Variants in ESRRG observed in about 807,000 individuals in gnomAD.
ESRRG encodes the protein estrogen related receptor gamma, also known as estrogen-related receptor gamma.
ESRRG carries 13 observed loss-of-function variants against 44.0 expected under a neutral mutation model. The ratio of observed to expected loss-of-function variants is 0.30; its 90% CI spans 0.19 to 0.47. The LOEUF (loss-of-function observed/expected upper bound fraction) is 0.47. Ranked by LOEUF, ESRRG falls within the 20% of genes least tolerant of loss-of-function variation. The pLI is 1.00. For synonymous variants in ESRRG, 215 were observed against 214.6 expected (o/e 1.00, Z -0.02); for missense variants, 395 against 580.6 (o/e 0.68, Z 3.29).
intron 5 of ESRRG, among the ~76,000 whole-genome samples, chr1:216,527,121 G>A (rs2047902889): frequency 6.6e-6 from 1 of 152,052 alleles, no homozygotes; most frequent in South Asian, 2.1e-4. Flanking sequence ...CAGTAAAAGT[G>A]GATAAGACCA....
intron 1 of ESRRG, among the ~76,000 whole-genome samples, chr1:217,027,399 T>G (rs1317602604): frequency 6.6e-6 from 1 of 152,184 alleles, no homozygotes; most frequent in Non-Finnish European, 1.5e-5. Context: ...ACATGCATTC[T>G]TCAGCCCTTA....
chr1:217,127,900 CAT>C (rs1374446572), intron 1 of ESRRG, among the ~76,000 whole-genome samples: 3 of 152,144 alleles, frequency 2.0e-5, no homozygotes, highest in South Asian at 2.1e-4. Flanking sequence ...AACATTTTCA[CAT>C]ATGTTATTCC....
chr1:216,612,794 G>A (rs1218443452), intron 3 of ESRRG, among the ~76,000 whole-genome samples: 3 of 152,190 alleles, frequency 2.0e-5, no homozygotes, highest in Admixed American at 6.5e-5. Flanking sequence ...CTGCAGCAGC[G>A]CAGTGGAATA....
intron 2 of ESRRG, among the ~76,000 whole-genome samples, chr1:216,767,208 C>T (rs1292338545): frequency 1.3e-5 from 2 of 151,842 alleles, no homozygotes; most frequent in African/African-American, 4.8e-5. Context: ...CCTTTCTTTC[C>T]TAGTTACTCA....
intron 1 of ESRRG, among the ~76,000 whole-genome samples, chr1:216,704,545 G>A (rs185775073): frequency 3.3e-5 from 5 of 151,572 alleles, no homozygotes; most frequent in Admixed American, 3.3e-4. Flanking sequence ...AGAAGGAGAA[G>A]AAAAAAAGAT....
chr1:216,600,022 T>C (rs1262301832), intron 3 of ESRRG, among the ~76,000 whole-genome samples: 1 of 152,208 alleles, frequency 6.6e-6, no homozygotes, highest in African/African-American at 2.4e-5. Context: ...CACACACTAA[T>C]AGCCCCTGTT....
intron 2 of ESRRG, chr1:216,862,202 T>C (rs1222471636): frequency 6.6e-6 from 1 of 151,332 alleles, no homozygotes; most frequent in East Asian, 1.9e-4. Context: ...AAAGTCTATG[T>C]CCATGCAAAG....
At chr1:216,871,465 C>T (rs984661483) in intron 2 of ESRRG, among the ~76,000 whole-genome samples, 2 of 151,954 alleles carry the variant, frequency 1.3e-5, no homozygotes, top group South Asian at 2.1e-4. Context: ...GGGTGGAGTG[C>T]TCTAAAAATA....
At chr1:216,636,526 T>G (rs933525148) in intron 3 of ESRRG, among the ~76,000 whole-genome samples, 22 of 152,222 alleles carry the variant, frequency 1.4e-4, no homozygotes, top group African/African-American at 5.1e-4. Flanking sequence ...TCTGGCCCAT[T>G]AGCTATTTTC....
intron 2 of ESRRG, among the ~76,000 whole-genome samples, chr1:216,651,379 G>A (rs1239462025): frequency 2.0e-5 from 3 of 152,144 alleles, no homozygotes; most frequent in African/African-American, 7.2e-5. Flanking sequence ...GTCTTCCAGA[G>A]TCTTATGATC....
Position 216,596,384 on chromosome 1 carries a change from C to G in ESRRG, c.590-28286G>C, listed in dbSNP as rs76334186. ...AGCTTCAGAGATGGAGGGGGCAGTG[C>G]TCTCTCTTCAAAGTCAGAGGAGGAT... On this transcript the variant is annotated intron_variant, in intron 3 of 6. Coordinates refer to ENST00000408911, the MANE Select transcript of ESRRG (RefSeq NM_001438.4). 3.7e-3 allele frequency among the ~76,000 whole-genome samples: 570 copies of G among 152,244 alleles called. 4 individuals carry two copies. Among genetic ancestry groups the G allele is most frequent in the Non-Finnish European group, 6.8e-3 (461 of 68,014 alleles).
At chr1:216,656,661 T>C (rs1050249366) in intron 2 of ESRRG, among the ~76,000 whole-genome samples, 1 of 152,196 alleles carries the variant, frequency 6.6e-6, no homozygotes, top group South Asian at 2.1e-4. Flanking sequence ...TAAATTAGCA[T>C]GGCATCTCAA....
intron 2 of ESRRG, among the ~76,000 whole-genome samples, chr1:216,658,847 A>G (rs980246692): frequency 7.6e-6 from 1 of 132,418 alleles, no homozygotes; most frequent in South Asian, 2.6e-4. Flanking sequence ...AAAGAAAGTA[A>G]AAGAAGAGAA....
chr1:216,753,260 G>A (rs1408283482), intron 2 of ESRRG, among the ~76,000 whole-genome samples: 3 of 151,508 alleles, frequency 2.0e-5, no homozygotes, highest in African/African-American at 4.9e-5. Context: ...TTCCTGTATC[G>A]AAAGTTTCAA....
chr1:216,831,840 A>G (rs891691525), intron 2 of ESRRG, among the ~76,000 whole-genome samples: 1 of 152,134 alleles, frequency 6.6e-6, no homozygotes, highest in Non-Finnish European at 1.5e-5. Flanking sequence ...AAGAATGAGG[A>G]GAAAGATGTT....
At chr1:216,572,806 C>A (rs565159836) in intron 3 of ESRRG, among the ~76,000 whole-genome samples, 1 of 151,902 alleles carries the variant, frequency 6.6e-6, no homozygotes, top group African/African-American at 2.4e-5. Context: ...CAAAAAGTAA[C>A]GCTATGAAGA....
In ESRRG at chr1:216,503,441, C is replaced by T. The variant is rs1457554208; in HGVS notation, c.*3498G>A. On this transcript the variant is annotated 3_prime_UTR_variant, in exon 7 of 7. Coordinates refer to ENST00000408911, the MANE Select transcript of ESRRG (RefSeq NM_001438.4). ...GGAGCACACAGTATGGTACACATCA[C>T]AAAAATATACAATTGATTGCTTTAC... 1 of 152,442 alleles carries T rather than the reference C, an allele frequency of 6.6e-6. No individual in the cohort carries two copies. The highest frequency in any genetic ancestry group is 2.4e-5 in the African/African-American group (1 of 41,394). 9.4% of individuals were successfully genotyped at this position (152,442 alleles called of 1,614,324 possible). A position where few individuals can be genotyped will look rare whatever the true frequency, so the allele number is the denominator to read the frequency against.
intron 2 of ESRRG, among the ~76,000 whole-genome samples, chr1:216,768,476 A>ATCTATCTATCTATCTATCTG (rs1553593091): frequency 4.3e-4 from 65 of 149,506 alleles, no homozygotes; most frequent in Middle Eastern, 3.4e-3. Flanking sequence ...CTATCTATCT[A>ATCTATCTATCTATCTATCTG]TCTATCTATC....
intron 1 of ESRRG, among the ~76,000 whole-genome samples, chr1:216,711,978 A>G (rs1374536528): frequency 6.6e-6 from 1 of 152,194 alleles, no homozygotes; most frequent in Non-Finnish European, 1.5e-5. Flanking sequence ...TTAGAATTCT[A>G]TTACCTTGCT....
Sources: allele counts gnomAD v4.1 joint callset (sites outside exome capture counted in the v4.1 genomes callset), GRCh38; gene constraint gnomAD v4.1.1; transcripts MANE v1.5; gene names NCBI Gene and HGNC (gene_info 2026-07-23, HGNC 2026-07-21).